Variants in DIAPH2 observed in about 807,000 individuals in gnomAD.
DIAPH2 encodes diaphanous related formin 2.
Under a neutral mutation model 92.7 loss-of-function variants are expected in DIAPH2, and 35 were observed. The observed-to-expected ratio is 0.38, with a 90% confidence interval of 0.29 to 0.50. DIAPH2 has a LOEUF of 0.50. Among genes scored for constraint, DIAPH2 ranks in the 20% least tolerant of loss-of-function variants. The pLI, the probability that DIAPH2 is intolerant of heterozygous loss-of-function variation, is 0.94. For synonymous variants in DIAPH2, 301 were observed against 280.4 expected, an observed-to-expected ratio of 1.07 and a Z score of -0.73; for missense variants, 701 against 819.5, an observed-to-expected ratio of 0.86 and a Z score of 1.77.
chrX:96,791,530 CT>C (rs10716008), intron 4 of DIAPH2, among the ~76,000 whole-genome samples: 30,225 of 91,468 alleles, frequency 0.33, 4,183 homozygotes, highest in Middle Eastern at 0.5. Flanking sequence ...AGTGAGACTC[CT>C]TTTTTTTTTT....
At chrX:97,014,311 G>T (rs1214063712) in intron 17 of DIAPH2, among the ~76,000 whole-genome samples, 1 of 111,697 alleles carries the variant, frequency 9.0e-6, no homozygotes, top group Admixed American at 9.5e-5. Context: ...GAATATCTGC[G>T]AACCAGGTTG....
At chrX:97,044,973 T>C (rs2066471276) in intron 17 of DIAPH2, among the ~76,000 whole-genome samples, 1 of 111,597 alleles carries the variant, frequency 9.0e-6, no homozygotes, top group Non-Finnish European at 1.9e-5. Flanking sequence ...TCAGCAGCAT[T>C]TTATATATTT....
intron 26 of DIAPH2, among the ~76,000 whole-genome samples, chrX:97,480,210 G>A (rs1009577327): frequency 3.6e-5 from 4 of 111,531 alleles, no homozygotes; most frequent in Admixed American, 1.9e-4. Flanking sequence ...GGCCATGTGG[G>A]ACACAAAGAC....
chrX:97,411,665 G>A (rs1318783542), intron 25 of DIAPH2, among the ~76,000 whole-genome samples: 1 of 111,971 alleles, frequency 8.9e-6, no homozygotes, highest in Admixed American at 9.5e-5. Flanking sequence ...CACATCTGAT[G>A]TGCAGAGACA....
At chrX:97,121,065 T>C (rs2067054376) in intron 21 of DIAPH2, among the ~76,000 whole-genome samples, 1 of 112,132 alleles carries the variant, frequency 8.9e-6, no homozygotes, top group Non-Finnish European at 1.9e-5. Context: ...TCTAATCATT[T>C]CTAGCTAAAA....
intron 4 of DIAPH2, among the ~76,000 whole-genome samples, chrX:96,803,014 C>T (rs1382892120): frequency 9.0e-6 from 1 of 111,384 alleles, no homozygotes; most frequent in African/African-American, 3.3e-5. Context: ...CTCATTCCAC[C>T]TTCCTCTGCC....
At chrX:97,381,452 A>T (rs956077295) in intron 24 of DIAPH2, among the ~76,000 whole-genome samples, 30 of 112,083 alleles carry the variant, frequency 2.7e-4, no homozygotes, top group Admixed American at 8.6e-4. Context: ...ATAATGAATA[A>T]TTTTTTAGTA....
intron 25 of DIAPH2, among the ~76,000 whole-genome samples, chrX:97,401,579 T>A (rs2069757630): frequency 8.9e-6 from 1 of 111,738 alleles, no homozygotes; most frequent in Non-Finnish European, 1.9e-5. Context: ...GTGGGTTTAG[T>A]ACTTCAGATT....
At chrX:97,595,934 G>A (rs2071548394) in intron 26 of DIAPH2, among the ~76,000 whole-genome samples, 1 of 112,049 alleles carries the variant, frequency 8.9e-6, no homozygotes, top group African/African-American at 3.2e-5. Context: ...GCCTGACCCA[G>A]GATGCACATT....
chrX:97,232,013 A>G (rs897032148), intron 22 of DIAPH2, among the ~76,000 whole-genome samples: 3 of 111,286 alleles, frequency 2.7e-5, no homozygotes, highest in Non-Finnish European at 5.7e-5. Flanking sequence ...GGCTTCAAAG[A>G]TCCTTAGCCT....
At chrX:96,870,943 G>A (rs1307333143) in intron 4 of DIAPH2, among the ~76,000 whole-genome samples, 2 of 111,344 alleles carry the variant, frequency 1.8e-5, no homozygotes, top group African/African-American at 3.3e-5. Flanking sequence ...TCTTGGAATC[G>A]GATTTACAAA....
At chrX:97,370,418 A>G (rs1166034433) in intron 24 of DIAPH2, among the ~76,000 whole-genome samples, 1 of 112,083 alleles carries the variant, frequency 8.9e-6, no homozygotes, top group Non-Finnish European at 1.9e-5. Context: ...TGCAGACAAG[A>G]ACATACATAA....
At chrX:97,122,161 G>T (rs2067063013) in intron 21 of DIAPH2, among the ~76,000 whole-genome samples, 1 of 111,507 alleles carries the variant, frequency 9.0e-6, no homozygotes, top group African/African-American at 3.3e-5. Flanking sequence ...TGAAAATGGG[G>T]AAAACCTCAT....
intron 22 of DIAPH2, among the ~76,000 whole-genome samples, chrX:97,163,090 A>AGGGATGG (rs1387595400): frequency 6.3e-5 from 7 of 111,442 alleles, no homozygotes; most frequent in Admixed American, 2.9e-4. Flanking sequence ...TAGAGGTACC[A>AGGGATGG]TATGGGATGG....
chrX:96,837,069 T>G (rs1006965174), intron 4 of DIAPH2, among the ~76,000 whole-genome samples: 12 of 110,264 alleles, frequency 1.1e-4, no homozygotes, highest in Non-Finnish European at 1.5e-4. Context: ...CTAGCCAAAA[T>G]AGTGGTGAAG....
intron 16 of DIAPH2, among the ~76,000 whole-genome samples, chrX:96,964,587 T>C (rs764109875): frequency 1.6e-4 from 18 of 111,827 alleles, no homozygotes; most frequent in Non-Finnish European, 3.2e-4. Context: ...CCTCATCTTT[T>C]AATGTAGAGA....
intron 4 of DIAPH2, among the ~76,000 whole-genome samples, chrX:96,840,605 A>AT (rs1374325338): frequency 2.2e-4 from 24 of 107,735 alleles, no homozygotes; most frequent in East Asian, 5.8e-4. Context: ...TCATTTTGGG[A>AT]TTTTTTTTTA....
At chrX:97,276,533 T>C (rs2068453716) in intron 23 of DIAPH2, among the ~76,000 whole-genome samples, 1 of 111,410 alleles carries the variant, frequency 9.0e-6, no homozygotes, top group Non-Finnish European at 1.9e-5. Context: ...GAGTTTCCTT[T>C]GCTAAGCACA....
Position 96,961,401 on chromosome X carries a change from C to CT in DIAPH2, c.1935+3266dup, listed in dbSNP as rs767876661. ...TCTGATTCTGTTTATTTAGGTCTTTCTTTTTTTTTTTTTCTTTTCTTGGAT... is the reference window on the plus strand; with the variant it reads ...TCTGATTCTGTTTATTTAGGTCTTTCTTTTTTTTTTTTTTCTTTTCTTGGAT... On this transcript the variant is annotated intron_variant, in intron 16 of 26. Coordinates refer to ENST00000324765, the MANE Select transcript of DIAPH2 (RefSeq NM_006729.5). Among the ~76,000 whole-genome samples the CT allele has an allele frequency of 3.5e-3, 272 of 78,101 alleles. 1 individual carries two copies. Among genetic ancestry groups the CT allele is most frequent in the Middle Eastern group, 7.4e-3 (1 of 135 alleles). 67.8% of individuals were successfully genotyped at this position (78,101 alleles called of 115,157 possible). A position where few individuals can be genotyped will look rare whatever the true frequency, so the allele number is the denominator to read the frequency against.
Sources: gnomAD v4.1 joint callset for allele counts (sites outside exome capture counted in the v4.1 genomes callset) on GRCh38, gnomAD v4.1.1 for gene constraint, MANE v1.5 for transcripts, NCBI Gene and HGNC (gene_info 2026-07-23, HGNC 2026-07-21) for gene names.